IWS1: variants seen among roughly 807,000 people sequenced by gnomAD.
IWS1 encodes the protein interacts with SUPT6H, CTD assembly factor 1.
Under a neutral mutation model 86.7 loss-of-function variants are expected in IWS1, and 27 were observed. The ratio of observed to expected loss-of-function variants is 0.31; its 90% CI spans 0.23 to 0.43. The LOEUF (loss-of-function observed/expected upper bound fraction) is 0.43, where lower values mean the gene tolerates loss of function less well. Ranked by LOEUF, IWS1 falls within the 20% of genes least tolerant of loss-of-function variation. The pLI, the probability that IWS1 is intolerant of heterozygous loss-of-function variation, is 1.00. For synonymous variants in IWS1, 313 were observed against 335.1 expected, an observed-to-expected ratio of 0.93 and a Z score of 0.72; for missense variants, 827 against 1,000.8, an observed-to-expected ratio of 0.83 and a Z score of 2.34.
intron 2 of IWS1, among the ~76,000 whole-genome samples, chr2:127,519,819 G>A (rs900450273): frequency 2.6e-5 from 4 of 152,186 alleles, no homozygotes; most frequent in Admixed American, 1.3e-4. Context: ...ATACAGGAAG[G>A]TCAGAGTAAG....
chr2:127,487,503 G>A (rs772193315), intron 12 of IWS1, among the ~76,000 whole-genome samples: 85 of 152,182 alleles, frequency 5.6e-4, no homozygotes, highest in African/African-American at 1.7e-3. Context: ...TGGGGATGGG[G>A]AGAGAAGGGT....
rs370630358 is a variant in IWS1 at position 127,505,516 on chromosome 2, A to C, written c.387T>G (p.Pro129=). 171 of 1,613,984 alleles carry C rather than the reference A, an allele frequency of 1.1e-4. No individual in the cohort carries two copies. Among genetic ancestry groups the C allele is most frequent in the Non-Finnish European group, 1.3e-4 (148 of 1,180,006 alleles). ...DSESEETRKL[P]GSDSENEELL... ...GTTCCTCATTTTCAGAGTCACTACC[A>C]GGTAATTTCCTGGTCTCTTCACTCT... Residue 129 remains proline, a synonymous_variant, in exon 3 of 14, where the codon CCT becomes CCG. Transcript: ENST00000295321. This position sits in a 1 kb window ranked among gnomAD's most constrained non-coding sequence, Gnocchi z 5.0.
At chr2:127,503,974 A>C (rs1436456778) in intron 3 of IWS1, among the ~76,000 whole-genome samples, 1 of 152,228 alleles carries the variant, frequency 6.6e-6, no homozygotes, top group Non-Finnish European at 1.5e-5. Context: ...TCTTTCTAGG[A>C]ATAGTCTCCA....
Position 127,494,897 on chromosome 2 carries a change from G to A in IWS1, c.1774C>T (p.Pro592Ser). 6.2e-7 allele frequency: 1 copy of A among 1,601,362 alleles called. No homozygotes were observed. The highest frequency in any genetic ancestry group is 1.1e-5 in the South Asian group (1 of 88,666). ...KPALKKLTLL[P>S]AVVMHLKKQD... ...TTCTTAAGGTGCATAACTACAGCAG[G>A]CAGTAAAGTTAATTTTTTCAGTGCT... Residue 592 changes from proline (P) to serine (S), a missense_variant, in exon 8 of 14, where the codon CCT (proline) becomes TCT (serine). Coordinates refer to ENST00000295321, the MANE Select transcript of IWS1 (RefSeq NM_017969.3).
chr2:127,516,291 C>T (rs1368075385), intron 2 of IWS1, among the ~76,000 whole-genome samples: 1 of 152,096 alleles, frequency 6.6e-6, no homozygotes, highest in Non-Finnish European at 1.5e-5. Context: ...GGGCAGTGAG[C>T]CGAGATCGCG....
Position 127,503,701 on chromosome 2 carries a change from T to TAAATAAATAAATAAATA in IWS1, c.1220-126_1220-125insTATTTATTTATTTATTT, listed in dbSNP as rs1395146990. 2.1e-3 allele frequency: 699 copies of TAAATAAATAAATAAATA among 326,130 alleles called. 1 individual carries two copies. Among genetic ancestry groups the TAAATAAATAAATAAATA allele is most frequent in the African/African-American group, 0.017 (642 of 36,908 alleles). The allele number at this position is 326,130 out of a possible 1,614,324, so 20.2% of individuals were successfully genotyped here. ...ATAAATAAATAAATAAATAAATAAA[T>TAAATAAATAAATAAATA]AAATAAAATAAAATCAGAGGGCCTC... On this transcript the variant is annotated intron_variant, in intron 3 of 13. Transcript: ENST00000295321.
At chr2:127,498,066 A>C (rs1477698836) in intron 6 of IWS1, 74 bp downstream of exon 6, 3 of 1,190,336 alleles carry the variant, frequency 2.5e-6, no homozygotes, top group Non-Finnish European at 3.7e-6. Context: ...AAAATGAAAA[A>C]CAAAAGAGAG....
At chr2:127,492,418 C>T (rs567965753) in intron 9 of IWS1, among the ~76,000 whole-genome samples, 11 of 152,092 alleles carry the variant, frequency 7.2e-5, no homozygotes, top group South Asian at 2.1e-4. Context: ...TGGAGGCAGG[C>T]GCCTGTAATC....
rs189824579 is a variant in IWS1, at chr2:127,496,334, C to T, written c.1566-186G>A. Among the ~76,000 whole-genome samples the T allele has an allele frequency of 2.0e-4, 31 of 152,144 alleles. No homozygotes were observed. In the East Asian group the frequency reaches 5.8e-3, roughly 28 times the overall value. ...GGTCAATGACGGACTGCAAATACGA[C>T]GGTGGCCATCCAGTAAGCTAAGGTT... is the stretch of plus-strand genomic sequence containing the variant. On this transcript the variant is annotated intron_variant, in intron 6 of 13. Transcript: ENST00000295321.
At chr2:127,484,217 C>T (rs778330056) in intron 13 of IWS1, among the ~76,000 whole-genome samples, 4 of 152,092 alleles carry the variant, frequency 2.6e-5, no homozygotes, top group Non-Finnish European at 2.9e-5. Flanking sequence ...GAGGCTGAGG[C>T]GGGAGAATGG....
At chr2:127,510,806 T>C (rs1691407599) in intron 2 of IWS1, among the ~76,000 whole-genome samples, 1 of 152,208 alleles carries the variant, frequency 6.6e-6, no homozygotes, top group Admixed American at 6.5e-5. Flanking sequence ...TTAGACTCAC[T>C]TCTTTCCACT....
intron 10 of IWS1, among the ~76,000 whole-genome samples, chr2:127,490,315 T>C (rs1690158184): frequency 6.6e-6 from 1 of 152,220 alleles, no homozygotes; most frequent in Non-Finnish European, 1.5e-5. Context: ...TAAAAAAGTC[T>C]TGAAATTCTG....
chr2:127,527,262 A>G (rs1350187850), upstream of IWS1, among the ~76,000 whole-genome samples: 3 of 152,152 alleles, frequency 2.0e-5, no homozygotes, highest in African/African-American at 7.2e-5. Flanking sequence ...CTTTATTCTG[A>G]GCCTGTTAAT....
chr2:127,499,337 A>G lies in IWS1; in HGVS notation c.1468-1100T>C, dbSNP rs969263365. Among the ~76,000 whole-genome samples, 1 of 151,854 alleles carries G rather than the reference A, an allele frequency of 6.6e-6. No homozygotes were observed. Among genetic ancestry groups the G allele is most frequent in the Non-Finnish European group, 1.5e-5 (1 of 67,948 alleles). On this transcript the variant is annotated intron_variant, in intron 5 of 13. Coordinates refer to ENST00000295321, the MANE Select transcript of IWS1 (RefSeq NM_017969.3). This position sits in a 1 kb window ranked among gnomAD's most constrained non-coding sequence, Gnocchi z 4.0. ...GATCTCCTGACCTTGTGAGCCGCCC[A>G]CCTCGGCCTCCCAAAGTGCTGGGAT...
Position 127,499,590 on chromosome 2 carries a change from G to A in IWS1, c.1468-1353C>T, listed in dbSNP as rs982646383. ...TACAATATGGTGCTTAACTAAGTAT[G>A]AGCTCCATGAAGGCAGTGTCCAGTC... On this transcript the variant is annotated intron_variant, in intron 5 of 13. Coordinates refer to ENST00000295321, the MANE Select transcript of IWS1 (RefSeq NM_017969.3). This position sits in a 1 kb window ranked among gnomAD's most constrained non-coding sequence, Gnocchi z 4.0. Among the ~76,000 whole-genome samples the A allele has an allele frequency of 2.6e-5, 4 of 152,128 alleles. No homozygotes were observed. In the South Asian group the frequency reaches 8.3e-4, roughly 32 times the overall value.
chr2:127,493,180 A>G (rs1311342377), intron 9 of IWS1, 101 bp downstream of exon 9: 36 of 1,064,454 alleles, frequency 3.4e-5, no homozygotes, highest in Non-Finnish European at 4.3e-5. Context: ...GGCAGGCTGT[A>G]GCAGAGATAA....
At chr2:127,483,586 T>TGGGGG (rs1558736777) in intron 13 of IWS1, among the ~76,000 whole-genome samples, 6 of 17,100 alleles carry the variant, frequency 3.5e-4, no homozygotes, top group Admixed American at 8.1e-4. Flanking sequence ...CGGGGGGTGG[T>TGGGGG]GGGGTGGGGG....
rs1355961168 is a variant in IWS1, at chr2:127,499,211, C to G, written c.1468-974G>C. Among the ~76,000 whole-genome samples the G allele has an allele frequency of 6.6e-6, 1 of 151,972 alleles. No homozygotes were observed. The highest frequency in any genetic ancestry group is 2.4e-5 in the African/African-American group (1 of 41,354). On this transcript the variant is annotated intron_variant, in intron 5 of 13. Coordinates refer to ENST00000295321, the MANE Select transcript of IWS1 (RefSeq NM_017969.3). The surrounding 1 kb of genome is among the most constrained non-coding windows in gnomAD (Gnocchi z 4.0). ...GTTCATGCCATTCTCCTGCCTCAGC[C>G]TTCTGAGTAGCTGGGACTACAGGCG...
chr2:127,483,032 A>G (rs907484433), intron 13 of IWS1: 3 of 151,306 alleles, frequency 2.0e-5, no homozygotes, highest in African/African-American at 7.3e-5. Context: ...ATGTCGCTTG[A>G]AAAAAAAACA....
Sources: allele counts gnomAD v4.1 joint callset (sites outside exome capture counted in the v4.1 genomes callset), GRCh38; gene constraint gnomAD v4.1.1; non-coding constraint Gnocchi (gnomAD v3.1); transcripts MANE v1.5; gene names NCBI Gene and HGNC (gene_info 2026-07-23, HGNC 2026-07-21).